The following SOAT2 variants were observed in gnomAD, a reference collection of about 807,000 sequenced individuals.
The protein encoded by SOAT2 is ACAT-2.
A neutral mutation model predicts 76.0 loss-of-function variants in SOAT2; 87 were observed. The observed-to-expected ratio is 1.14, with a 90% confidence interval of 0.96 to 1.37. SOAT2 has a LOEUF of 1.37. Among genes scored for constraint, SOAT2 ranks in the 40% most tolerant of loss-of-function variants. The pLI is 0.00. For synonymous variants in SOAT2, 285 were observed against 275.4 expected (o/e 1.03, Z -0.34); for missense variants, 686 against 682.1 (o/e 1.01, Z -0.06).
chr12:53,119,254 G>A lies in SOAT2; in HGVS notation c.1039+1G>A. 1.2e-6 allele frequency: 2 copies of A among 1,613,922 alleles called. No homozygotes were observed. The highest frequency in any genetic ancestry group is 1.3e-5 in the African/African-American group (1 of 75,016). The stretch of plus-strand genomic sequence containing the variant: ...TCTATCCTGCATGCCACGTTGCCAG[G>A]TGAGCCAACTAAGGTAGGGCTAGAG... On this transcript the variant is annotated splice_donor_variant, in intron 10 of 14. Coordinates refer to ENST00000301466, the MANE Select transcript of SOAT2 (RefSeq NM_003578.4). LOFTEE classifies it high-confidence loss of function.
chr12:53,118,240 C>G (rs1374786766), intron 7 of SOAT2, 110 bp from the exon 8 acceptor site: 2 of 478,520 alleles, frequency 4.2e-6, no homozygotes, highest in East Asian at 4.6e-5. Flanking sequence ...CCCCCACCCC[C>G]ACCCTATCCA....
intron 2 of SOAT2, 96 bp from the exon 3 acceptor site, chr12:53,105,011 T>A: frequency 2.6e-5 from 30 of 1,134,350 alleles, no homozygotes; most frequent in East Asian, 1.6e-4. Context: ...AAAAAAGCAC[T>A]GTGCCTGGCA....
rs1212630723 is a variant in SOAT2 at position 53,103,613 on chromosome 12, G to A, written c.36G>A (p.Arg12=). ...EPGGARLRLQ[R]TEGLGGERER... is the part of the protein sequence containing the mutation. ...GCGGGGCCCGTCTGCGTCTGCAGAG[G>A]ACAGAAGGGCTGGGAGGGGAGCGGG... The change falls in exon 1 of 15, where the codon AGG becomes AGA. Residue 12 remains arginine, a synonymous_variant. Transcript: ENST00000301466. 2 of 1,546,664 alleles carry A rather than the reference G, an allele frequency of 1.3e-6. No homozygotes were observed. The highest frequency in any genetic ancestry group is 2.4e-5 in the East Asian group (1 of 40,908).
chr12:53,124,352 A>C lies in SOAT2; in HGVS notation c.*229A>C. 1 of 590,976 alleles carries C rather than the reference A, an allele frequency of 1.7e-6. No individual in the cohort carries two copies. Among genetic ancestry groups the C allele is most frequent in the East Asian group, 2.8e-5 (1 of 35,360 alleles). The allele number at this position is 590,976 out of a possible 1,614,324, so 36.6% of individuals were successfully genotyped here. On this transcript the variant is annotated 3_prime_UTR_variant, in exon 15 of 15. Coordinates refer to ENST00000301466, the MANE Select transcript of SOAT2 (RefSeq NM_003578.4). ...GGGTGACTCTTCAATCCCTATCCCC[A>C]TGGGCTGGGTACAGGATATCCTCCT...
chr12:53,103,712 G>A (rs1486790297), intron 1 of SOAT2, 53 bp downstream of exon 1: 12 of 1,363,988 alleles, frequency 8.8e-6, no homozygotes, highest in Non-Finnish European at 1.2e-5. Context: ...GGGAGGCGGG[G>A]AGAGATGCGC....
chr12:53,123,111 A>G lies in SOAT2; in HGVS notation c.1267A>G (p.Met423Val). 1 of 1,613,652 alleles carries G rather than the reference A, an allele frequency of 6.2e-7. No homozygotes were observed. The highest frequency in any genetic ancestry group is 8.5e-7 in the Non-Finnish European group (1 of 1,179,816). The change falls in exon 13 of 15, where the codon ATG (methionine) becomes GTG (valine). Residue 423 changes from methionine to valine, a missense_variant. By Grantham distance (21) the Met-to-Val change is conservative. Transcript: ENST00000301466. ...TGGTGCCCGGGCCCGAGGGGTAGCC[A>G]TGCTGGGTGTGTTCCTGGTCTCCGC... Reference protein sequence around the residue: ...LLGARARGVAMLGVFLVSAVA... With the variant: ...LLGARARGVAVLGVFLVSAVA...
rs142875783 is a variant in SOAT2 at position 53,107,004 on chromosome 12, G to C, written c.443+990G>C. On this transcript the variant is annotated intron_variant, in intron 5 of 14. Coordinates refer to ENST00000301466, the MANE Select transcript of SOAT2 (RefSeq NM_003578.4). ...CAGGAAAGGCCTAGGCAAAACTCTT[G>C]GTGGGCTTTTGTTACATTCCAGCCT... is the stretch of plus-strand genomic sequence containing the variant. Among the ~76,000 whole-genome samples the C allele has an allele frequency of 5.7e-3, 873 of 152,216 alleles. 9 individuals are homozygous for C. Among genetic ancestry groups the C allele is most frequent in the Middle Eastern group, 0.037 (11 of 294 alleles).
chr12:53,120,726 G>T, intron 10 of SOAT2, 60 bp from the exon 11 acceptor site: 2 of 1,227,436 alleles, frequency 1.6e-6, no homozygotes, highest in South Asian at 1.2e-5. Flanking sequence ...CCCAGATCAG[G>T]GCTGCCTGTG....
intron 6 of SOAT2, 149 bp downstream of exon 6, chr12:53,115,803 G>A: frequency 3.9e-6 from 4 of 1,027,650 alleles, no homozygotes; most frequent in South Asian, 1.7e-5. Flanking sequence ...TACCGGGGGT[G>A]GAGTCCATTA....
At position 53,106,040 on chromosome 12, in the gene SOAT2, G is replaced by A. The variant is rs1462574462; in HGVS notation, c.443+26G>A. The A allele has an allele frequency of 2.6e-6, 4 of 1,533,464 alleles. No individual in the cohort carries two copies. In the Admixed American group the frequency reaches 6.7e-5, roughly 26 times the overall value. The allele number at this position is 1,533,464 out of a possible 1,614,324, so 95.0% of individuals were successfully genotyped here. A position where few individuals can be genotyped will look rare whatever the true frequency, so the allele number is the denominator to read the frequency against. On this transcript the variant is annotated intron_variant, in intron 5 of 14. Coordinates refer to ENST00000301466, the MANE Select transcript of SOAT2 (RefSeq NM_003578.4). ...GTAGGTCCCCTTCCCACCTGGGACA[G>A]GCACACCTATCTGATCAGACCCTCT...
chr12:53,121,196 C>T, intron 11 of SOAT2, 107 bp from the exon 12 acceptor site: 1 of 827,574 alleles, frequency 1.2e-6, no homozygotes. Flanking sequence ...GGAGCCAGCC[C>T]TTCTGGAACA....
At chr12:53,104,291 T>A in intron 2 of SOAT2, 85 bp downstream of exon 2, 3 of 326,062 alleles carry the variant, frequency 9.2e-6, no homozygotes, top group Non-Finnish European at 9.6e-6. Context: ...AAAGATGACT[T>A]TTTTTTTTTT....
intron 5 of SOAT2, among the ~76,000 whole-genome samples, chr12:53,108,852 C>T (rs1480689455): frequency 6.6e-6 from 1 of 152,178 alleles, no homozygotes; most frequent in Admixed American, 6.5e-5. Context: ...AACAAGAAAA[C>T]AATTGTTTAT....
rs565075941 is a variant in SOAT2, at chr12:53,123,746, T to G, written c.1391T>G (p.Met464Arg). Residue 464 changes from methionine to arginine, a missense_variant, in exon 14 of 15, where the codon ATG becomes AGG. Physicochemically the swap from Met to Arg is moderately conservative, Grantham distance 91. Coordinates refer to ENST00000301466, the MANE Select transcript of SOAT2 (RefSeq NM_003578.4). ...GCACCAGGAATGTTGAACTTCATGA[T>G]GCATGACCAGCGCACCGGCCCGGCA... ...LVIGGMLNFM[M>R]HDQRTGPAWN... 3.7e-6 allele frequency: 6 copies of G among 1,614,038 alleles called. No individual in the cohort carries two copies. The African/African-American group carries it at 6.7e-5, about 18-fold the overall frequency.
chr12:53,106,424 C>A (rs1937937681), intron 5 of SOAT2, among the ~76,000 whole-genome samples: 2 of 152,254 alleles, frequency 1.3e-5, no homozygotes, highest in Admixed American at 1.3e-4. Flanking sequence ...CTGTGAGGCA[C>A]TCCCAGTCTT....
intron 5 of SOAT2, among the ~76,000 whole-genome samples, chr12:53,111,425 CAG>C (rs1938011335): frequency 2.0e-5 from 3 of 152,158 alleles, no homozygotes; most frequent in Admixed American, 1.3e-4. Context: ...AGCTTTAAAA[CAG>C]AGAATGATAA....
rs71095978 is a variant in SOAT2, at chr12:53,112,779, CT to C, written c.444-2592del. Among the ~76,000 whole-genome samples the C allele has an allele frequency of 8.3e-3, 1,046 of 125,704 alleles. 10 individuals are homozygous for C. The highest frequency in any genetic ancestry group is 0.025 in the African/African-American group (794 of 31,794). The allele number at this position is 125,704 out of a possible 152,430, so 82.5% of individuals were successfully genotyped here. ...CCTCCCATTTTCTTTTTTTTCTTTC[CT>C]TTTTTTTTTTTTTTTTTTAAGACAG... On this transcript the variant is annotated intron_variant, in intron 5 of 14. Transcript: ENST00000301466.
At chr12:53,115,762 T>A in intron 6 of SOAT2, 108 bp downstream of exon 6, 1 of 1,317,488 alleles carries the variant, frequency 7.6e-7, no homozygotes, top group Non-Finnish European at 1.0e-6. Flanking sequence ...AGGGAGGCGC[T>A]GGAGAAGGCA....
chr12:53,121,168 G>A, intron 11 of SOAT2, 135 bp from the exon 12 acceptor site: 1 of 695,982 alleles, frequency 1.4e-6, no homozygotes, highest in Middle Eastern at 2.6e-4. Flanking sequence ...GAGAGTGTCT[G>A]CTGTCCCTGT....
Sources: allele counts gnomAD v4.1 joint callset (sites outside exome capture counted in the v4.1 genomes callset), GRCh38; gene constraint gnomAD v4.1.1; transcripts MANE v1.5; gene names NCBI Gene and HGNC (gene_info 2026-07-23, HGNC 2026-07-21).